ARHGEF7: variants seen among roughly 807,000 people sequenced by gnomAD.
ARHGEF7 encodes PAK-interacting exchange factor beta.
A neutral mutation model predicts 109.8 loss-of-function variants in ARHGEF7; 33 were observed. The observed-to-expected ratio is 0.30, with a 90% CI of 0.23 to 0.40. The LOEUF is 0.40. Among genes scored for constraint, ARHGEF7 ranks in the 10% least tolerant of loss-of-function variants. The probability of loss-of-function intolerance (pLI) is 1.00; values close to 1 mark genes in which losing one functional copy is unlikely to be tolerated. For synonymous variants in ARHGEF7, 458 were observed against 424.6 expected (o/e 1.08, Z -0.97); for missense variants, 938 against 1,098.5 (o/e 0.85, Z 2.07).
At chr13:111,260,292 C>G (rs143171010) in intron 8 of ARHGEF7, among the ~76,000 whole-genome samples, 2 of 152,094 alleles carry the variant, frequency 1.3e-5, no homozygotes, top group African/African-American at 4.8e-5. Context: ...AGATTTAACC[C>G]GTAGAAGACT....
At chr13:111,236,173 C>A (rs566423004) in intron 6 of ARHGEF7, among the ~76,000 whole-genome samples, 1 of 152,304 alleles carries the variant, frequency 6.6e-6, no homozygotes, top group African/African-American at 2.4e-5. Flanking sequence ...TCTGGGACTC[C>A]TGTGGTGCAA....
intron 3 of ARHGEF7, chr13:111,209,296 A>G (rs896237370): frequency 1.3e-5 from 2 of 152,284 alleles, no homozygotes; most frequent in African/African-American, 2.4e-5. Context: ...AGAGAACAGA[A>G]CTAAGCCTCT....
chr13:111,227,610 T>C (rs1363998346), intron 5 of ARHGEF7, among the ~76,000 whole-genome samples: 1 of 152,250 alleles, frequency 6.6e-6, no homozygotes, highest in African/African-American at 2.4e-5. Context: ...GAAACAAATT[T>C]GTGTGACTCA....
chr13:111,117,691 TTCTCTCTCTCTCTCTG>T (rs1566580566), intron 1 of ARHGEF7, among the ~76,000 whole-genome samples: 4 of 151,086 alleles, frequency 2.6e-5, no homozygotes, highest in Admixed American at 1.3e-4. Context: ...CTTTCTTTCT[TTCTCTCTCTCTCTCTG>T]TCTCTCTCTC....
At chr13:111,195,479 G>A (rs1342811163) in intron 2 of ARHGEF7, among the ~76,000 whole-genome samples, 1 of 152,226 alleles carries the variant, frequency 6.6e-6, no homozygotes, top group South Asian at 2.1e-4. Flanking sequence ...CTTGAGGATA[G>A]TCGTCCAGGA....
intron 2 of ARHGEF7, among the ~76,000 whole-genome samples, chr13:111,178,731 TCTAA>T (rs1339974697): frequency 2.6e-5 from 4 of 152,344 alleles, no homozygotes; most frequent in East Asian, 1.9e-4. Context: ...CACACTTTTC[TCTAA>T]CTGTCTCGTT....
intron 21 of ARHGEF7, 68 bp from the exon 22 acceptor site, chr13:111,302,923 A>G (rs2093603312): frequency 3.8e-6 from 6 of 1,592,474 alleles, no homozygotes; most frequent in East Asian, 2.3e-5. Context: ...AAGGATACAC[A>G]TTTGGGGAAA....
intron 4 of ARHGEF7, among the ~76,000 whole-genome samples, chr13:111,212,586 A>G (rs965392333): frequency 1.3e-5 from 2 of 152,106 alleles, no homozygotes; most frequent in Non-Finnish European, 2.9e-5. Flanking sequence ...CATTTCTGGG[A>G]GAGGTGACTT....
At position 111,221,350 on chromosome 13, in the gene ARHGEF7, T is replaced by G. The variant is rs796539280; in HGVS notation, c.670+3470T>G. On this transcript the variant is annotated intron_variant, in intron 5 of 21. Coordinates refer to ENST00000646102, the MANE Select transcript of ARHGEF7 (RefSeq NM_001354046.2). ...ATATGTCTATATATATCTATATATA[T>G]GTCTATATATATATCTATATATATA... Among the ~76,000 whole-genome samples, 15 of 16,676 alleles carry G rather than the reference T, an allele frequency of 9.0e-4. 5 individuals carry two copies. Among genetic ancestry groups the G allele is most frequent in the Non-Finnish European group, 1.5e-3 (10 of 6,782 alleles). The allele number at this position is 16,676 out of a possible 152,430, so 10.9% of individuals were successfully genotyped here.
intron 14 of ARHGEF7, 58 bp downstream of exon 14, chr13:111,280,408 C>T (rs1324798832): frequency 1.2e-5 from 19 of 1,587,540 alleles, no homozygotes; most frequent in Middle Eastern, 1.7e-4. Flanking sequence ...AGCTTGTCCC[C>T]GCGTGCAGAT....
In ARHGEF7 at chr13:111,280,263, C is replaced by CT. The variant is rs2092710577; in HGVS notation, c.1507-3dup. Reference sequence around the variant, plus strand: ...TGTTTTTTTTTTTGTGGGGGGGGGTCTTTTTTAGGGAAAGCTTCCAACGAC... The same window carrying CT: ...TGTTTTTTTTTTTGTGGGGGGGGGTCTTTTTTTAGGGAAAGCTTCCAACGAC... On this transcript the variant is annotated splice_polypyrimidine_tract_variant and intron_variant, in intron 13 of 21. Transcript: ENST00000646102. 1.3e-6 allele frequency: 2 copies of CT among 1,566,136 alleles called. No individual in the cohort carries two copies. The highest frequency in any genetic ancestry group is 1.7e-6 in the Non-Finnish European group (2 of 1,153,758).
At chr13:111,189,220 G>A (rs908502567) in intron 2 of ARHGEF7, among the ~76,000 whole-genome samples, 11 of 152,218 alleles carry the variant, frequency 7.2e-5, no homozygotes, top group Non-Finnish European at 1.5e-4. Context: ...ATTTTGTCCG[G>A]AATTGGTTCC....
chr13:111,191,220 T>A (rs1461493933), intron 2 of ARHGEF7, among the ~76,000 whole-genome samples: 1 of 152,132 alleles, frequency 6.6e-6, no homozygotes, highest in Non-Finnish European at 1.5e-5. Flanking sequence ...ACTTGGAAGT[T>A]ACTATGATCA....
In ARHGEF7 at chr13:111,229,175, C is replaced by T. The variant is rs144365229; in HGVS notation, c.671-4030C>T. Among the ~76,000 whole-genome samples the T allele has an allele frequency of 3.2e-3, 488 of 152,176 alleles. 1 individual carries two copies. The highest frequency in any genetic ancestry group is 0.011 in the South Asian group (53 of 4,810). On this transcript the variant is annotated intron_variant, in intron 5 of 21. Coordinates refer to ENST00000646102, the MANE Select transcript of ARHGEF7 (RefSeq NM_001354046.2). ...CGGGGCTGGCTGTGCTTCCTCAGCC[C>T]AAGGAATCCAGAGCTCTTCAGTTCC...
chr13:111,292,360 G>C (rs758562094), intron 19 of ARHGEF7, 66 bp downstream of exon 19: 6 of 1,597,024 alleles, frequency 3.8e-6, no homozygotes, highest in Non-Finnish European at 3.4e-6. Context: ...CTTAACAAAT[G>C]CTTGTTGTAT....
intron 2 of ARHGEF7, among the ~76,000 whole-genome samples, chr13:111,193,798 A>G (rs778495295): frequency 1.2e-4 from 19 of 152,160 alleles, no homozygotes; most frequent in Non-Finnish European, 2.6e-4. Flanking sequence ...AGTTAAGGGG[A>G]CTTCCAAGAG....
chr13:111,186,841 C>T, intron 2 of ARHGEF7: 1 of 985,404 alleles, frequency 1.0e-6, no homozygotes, highest in Non-Finnish European at 1.2e-6. Context: ...AGAGGCCTCT[C>T]CGTCAGTATT....
At chr13:111,208,455 C>T (rs1461469201) in intron 3 of ARHGEF7, among the ~76,000 whole-genome samples, 1 of 152,198 alleles carries the variant, frequency 6.6e-6, no homozygotes, top group Non-Finnish European at 1.5e-5. Flanking sequence ...GCTTCTGTCT[C>T]TTAAAATCAT....
At chr13:111,134,254 C>T (rs1241789141) in intron 1 of ARHGEF7, among the ~76,000 whole-genome samples, 5 of 152,262 alleles carry the variant, frequency 3.3e-5, no homozygotes, top group South Asian at 2.1e-4. Flanking sequence ...AGTAAACATA[C>T]GTGTGCATGT....
Sources: gnomAD v4.1 joint callset for allele counts (sites outside exome capture counted in the v4.1 genomes callset) on GRCh38, gnomAD v4.1.1 for gene constraint, MANE v1.5 for transcripts, NCBI Gene and HGNC (gene_info 2026-07-23, HGNC 2026-07-21) for gene names.